The following TENM3 variants were observed in gnomAD, a reference collection of about 807,000 sequenced individuals.
TENM3 encodes the protein teneurin transmembrane protein 3, also known as teneurin-3.
Under a neutral mutation model 255.1 loss-of-function variants are expected in TENM3, and 63 were observed. The observed-to-expected ratio is 0.25, with a 90% CI of 0.20 to 0.30. The LOEUF (loss-of-function observed/expected upper bound fraction) is 0.30, where lower values mean the gene tolerates loss of function less well. Ranked by LOEUF, TENM3 falls within the 10% of genes least tolerant of loss-of-function variation. The probability of loss-of-function intolerance (pLI) is 1.00; values close to 1 mark genes in which losing one functional copy is unlikely to be tolerated. For missense variants in TENM3, 2,929 were observed against 3,461.1 expected (o/e 0.85, Z 3.86); for synonymous variants, 1,306 against 1,322.3 (o/e 0.99, Z 0.27).
the TENM3 span, among the ~76,000 whole-genome samples, chr4:181,943,898 C>T: frequency 6.6e-6 from 1 of 152,086 alleles, no homozygotes; most frequent in African/African-American, 2.4e-5. Context: ...CAAATTATAG[C>T]TCTTTCTCTA....
At chr4:181,643,118 T>C in the TENM3 span, among the ~76,000 whole-genome samples, 4 of 152,210 alleles carry the variant, frequency 2.6e-5, no homozygotes, top group African/African-American at 7.2e-5. Flanking sequence ...TTCACGATAT[T>C]GATTTCTCCT....
the TENM3 span, among the ~76,000 whole-genome samples, chr4:181,459,892 A>C: frequency 6.6e-6 from 1 of 151,870 alleles, no homozygotes; most frequent in Non-Finnish European, 1.5e-5. Context: ...AATATAAATC[A>C]ATCTGGGAAA....
the TENM3 span, among the ~76,000 whole-genome samples, chr4:181,979,268 A>G: frequency 2.7e-5 from 4 of 150,054 alleles, no homozygotes; most frequent in Non-Finnish European, 5.9e-5. Flanking sequence ...GCAGTAATGA[A>G]GAAATATGGA....
chr4:181,789,325 G>A, the TENM3 span, among the ~76,000 whole-genome samples: 4 of 150,914 alleles, frequency 2.7e-5, no homozygotes, highest in South Asian at 2.1e-4. Context: ...GCATGATCTC[G>A]GCTCACTGCA....
At chr4:181,861,769 T>C in the TENM3 span, among the ~76,000 whole-genome samples, 7 of 152,202 alleles carry the variant, frequency 4.6e-5, no homozygotes, top group African/African-American at 7.2e-5. Flanking sequence ...TTTCTTTTAC[T>C]TCTATTTTTC....
chr4:181,553,706 G>T, the TENM3 span, among the ~76,000 whole-genome samples: 1,784 of 152,218 alleles, frequency 0.012, 38 homozygotes, highest in African/African-American at 0.04. Context: ...CTCCCAAAGT[G>T]TTGGGATTAC....
At chr4:181,985,049 T>C in the TENM3 span, among the ~76,000 whole-genome samples, 3 of 151,786 alleles carry the variant, frequency 2.0e-5, no homozygotes, top group Admixed American at 2.0e-4. Flanking sequence ...AAAAGAAAAA[T>C]GGGCAATGCT....
the TENM3 span, among the ~76,000 whole-genome samples, chr4:181,472,085 C>G: frequency 2.2e-4 from 34 of 152,252 alleles, no homozygotes; most frequent in African/African-American, 8.2e-4. Context: ...GACCTACCTG[C>G]TTCCACTATT....
chr4:181,775,624 C>T, the TENM3 span, among the ~76,000 whole-genome samples: 2 of 152,132 alleles, frequency 1.3e-5, no homozygotes, highest in Non-Finnish European at 2.9e-5. Flanking sequence ...CACAGTCTGA[C>T]AATAAGCTGT....
chr4:182,172,076 TA>T (rs1312117078), intron 1 of TENM3, among the ~76,000 whole-genome samples: 3 of 147,696 alleles, frequency 2.0e-5, no homozygotes, highest in African/African-American at 7.5e-5. Flanking sequence ...CCGAGACATC[TA>T]AATTGGCTTT....
At chr4:182,483,930 C>T (rs1357537233) in intron 3 of TENM3, among the ~76,000 whole-genome samples, 1 of 152,132 alleles carries the variant, frequency 6.6e-6, no homozygotes, top group Non-Finnish European at 1.5e-5. Context: ...AAGTCCTCCC[C>T]CATGAGCCAG....
At chr4:182,349,847 A>G in intron 3 of TENM3, 1 of 386,170 alleles carries the variant, frequency 2.6e-6, no homozygotes. Flanking sequence ...CTAGCTTGAG[A>G]TGTGTTCTTG....
intron 3 of TENM3, among the ~76,000 whole-genome samples, chr4:182,411,015 T>C (rs1475383791): frequency 6.6e-6 from 1 of 152,208 alleles, no homozygotes; most frequent in Non-Finnish European, 1.5e-5. Flanking sequence ...ATTGCTTCAG[T>C]GTGCTCAAAA....
chr4:181,471,645 G>A, the TENM3 span, among the ~76,000 whole-genome samples: 1 of 152,250 alleles, frequency 6.6e-6, no homozygotes, highest in East Asian at 1.9e-4. Flanking sequence ...TTTATAGGAA[G>A]AGGTACCCCA....
the TENM3 span, among the ~76,000 whole-genome samples, chr4:182,075,415 G>A: frequency 0.025 from 3,809 of 152,020 alleles, 174 homozygotes; most frequent in African/African-American, 0.087. Flanking sequence ...GGCCAGGATG[G>A]TCTCGATCTC....
chr4:181,985,609 G>A, the TENM3 span, among the ~76,000 whole-genome samples: 1 of 152,100 alleles, frequency 6.6e-6, no homozygotes, highest in Non-Finnish European at 1.5e-5. Flanking sequence ...TGAGCAATGG[G>A]AGTAAACCTC....
intron 2 of TENM3, among the ~76,000 whole-genome samples, chr4:182,342,715 T>C (rs79346821): frequency 0.052 from 7,916 of 152,136 alleles, 537 homozygotes; most frequent in African/African-American, 0.15. Flanking sequence ...CAAATCTAGA[T>C]ATTAGAGAAA....
chr4:181,503,781 G>A, the TENM3 span, among the ~76,000 whole-genome samples: 2 of 152,134 alleles, frequency 1.3e-5, no homozygotes, highest in Admixed American at 1.3e-4. Flanking sequence ...CATGCCAGTG[G>A]TTCTCAGCCA....
chr4:181,703,797 G>GTT, the TENM3 span, among the ~76,000 whole-genome samples: 40 of 151,458 alleles, frequency 2.6e-4, 2 homozygotes, highest in East Asian at 9.7e-4. Flanking sequence ...TCTTTGGGGA[G>GTT]TTTTTTTTTC....
Sources: gnomAD v4.1 joint callset for allele counts (sites outside exome capture counted in the v4.1 genomes callset) on GRCh38, gnomAD v4.1.1 for gene constraint, MANE v1.5 for transcripts, NCBI Gene and HGNC (gene_info 2026-07-23, HGNC 2026-07-21) for gene names.